Variants in TAB2 observed in about 807,000 individuals in gnomAD.
TAB2 encodes TGF-beta activated kinase 1 (MAP3K7) binding protein 2.
A neutral mutation model predicts 65.0 loss-of-function variants in TAB2; 3 were observed. The ratio of observed to expected loss-of-function variants is 0.05; its 90% CI spans 0.02 to 0.12. The LOEUF is 0.12. TAB2 is among the 10% of genes least tolerant of loss of function. The pLI is 1.00. For synonymous variants in TAB2, 298 were observed against 285.1 expected (o/e 1.05, Z -0.46); for missense variants, 623 against 840.3 (o/e 0.74, Z 3.20).
At chr6:149,261,960 G>A (rs1778160563) in intron 1 of TAB2, among the ~76,000 whole-genome samples, 1 of 152,192 alleles carries the variant, frequency 6.6e-6, no homozygotes, top group Non-Finnish European at 1.5e-5. Context: ...CTAAGCAGCT[G>A]GGACTTTGAT....
chr6:149,257,488 C>T (rs1442433576), intron 1 of TAB2: 1 of 152,066 alleles, frequency 6.6e-6, no homozygotes, highest in African/African-American at 2.4e-5. Context: ...CCCACTGAGA[C>T]CCTCAGTGTA....
At chr6:149,398,401 T>C (rs1424605300) in intron 5 of TAB2, among the ~76,000 whole-genome samples, 1 of 152,182 alleles carries the variant, frequency 6.6e-6, no homozygotes, top group Non-Finnish European at 1.5e-5. Flanking sequence ...GGAAATGTTA[T>C]CACTTAAACC....
chr6:149,267,102 T>C (rs1238619606), intron 1 of TAB2, among the ~76,000 whole-genome samples: 3 of 151,936 alleles, frequency 2.0e-5, no homozygotes, highest in Non-Finnish European at 4.4e-5. Context: ...GAAGGACCAG[T>C]GAATGCCTGA....
At chr6:149,257,069 A>G (rs1446854947) in intron 1 of TAB2, among the ~76,000 whole-genome samples, 1 of 152,240 alleles carries the variant, frequency 6.6e-6, no homozygotes, top group African/African-American at 2.4e-5. Context: ...TGCTAAGAAA[A>G]TTGCCACAGT....
At chr6:149,397,380 G>T (rs1267163956) in intron 3 of TAB2, among the ~76,000 whole-genome samples, 1 of 151,844 alleles carries the variant, frequency 6.6e-6, no homozygotes, top group African/African-American at 2.4e-5. Context: ...GGCAGAGGTT[G>T]CACTGAGCCG....
intron 1 of TAB2, among the ~76,000 whole-genome samples, chr6:149,261,724 C>T (rs565917105): frequency 5.9e-5 from 9 of 152,294 alleles, no homozygotes; most frequent in South Asian, 4.1e-4. Context: ...AAAAGAGAAA[C>T]GAGGGATCAT....
upstream of TAB2, among the ~76,000 whole-genome samples, chr6:149,316,797 CT>C (rs1207343407): frequency 2.0e-5 from 3 of 152,088 alleles, no homozygotes; most frequent in African/African-American, 7.2e-5. Context: ...ATTTAGATTT[CT>C]TTTTTCCCCC....
At chr6:149,389,475 G>A (rs1204838713) in intron 3 of TAB2, among the ~76,000 whole-genome samples, 4 of 151,748 alleles carry the variant, frequency 2.6e-5, no homozygotes, top group Admixed American at 1.3e-4. Context: ...GAGAAACCCC[G>A]TCTTTACTAA....
In TAB2 at chr6:149,378,409, C is replaced by A; in HGVS notation, c.494C>A (p.Ser165Tyr). 1 of 1,614,208 alleles carries A rather than the reference C, an allele frequency of 6.2e-7. No individual in the cohort carries two copies. Among genetic ancestry groups the A allele is most frequent in the Non-Finnish European group, 8.5e-7 (1 of 1,180,050 alleles). The change falls in exon 3 of 7, where the codon TCT (serine) becomes TAT (tyrosine). Residue 165 changes from serine (S) to tyrosine (Y), a missense_variant. Around this residue, in one of 3 missense-constraint regions of TAB2, gnomAD observed 550 missense variants for 665.7 expected, o/e 0.83. Coordinates refer to ENST00000637181, the MANE Select transcript of TAB2 (RefSeq NM_001292034.3). ...TTTCACTTAGGCAGCAAAGGAACATCTAGCCTTTCTCAACAAACTCCCAGA... is the reference window on the plus strand; with the variant it reads ...TTTCACTTAGGCAGCAAAGGAACATATAGCCTTTCTCAACAAACTCCCAGA... ...LGFHLGSKGT[S>Y]SLSQQTPRFN...
chr6:149,410,005 A>G lies in TAB2; in HGVS notation c.*286A>G, dbSNP rs34532338. The G allele has an allele frequency of 2.1e-6, 1 of 468,234 alleles. No individual in the cohort carries two copies. The highest frequency in any genetic ancestry group is 3.9e-6 in the Non-Finnish European group (1 of 258,112). 29.0% of individuals were successfully genotyped at this position (468,234 alleles called of 1,614,324 possible). A position where few individuals can be genotyped will look rare whatever the true frequency, so the allele number is the denominator to read the frequency against. ...TGTCCCATTATGGATAATTCTCAATATGTTAACACCTAGGTGTTCCCAATA... is the reference window on the plus strand; with the variant it reads ...TGTCCCATTATGGATAATTCTCAATGTGTTAACACCTAGGTGTTCCCAATA... On this transcript the variant is annotated 3_prime_UTR_variant, in exon 7 of 7. Coordinates refer to ENST00000637181, the MANE Select transcript of TAB2 (RefSeq NM_001292034.3).
At chr6:149,231,814 C>G (rs79894261) in intron 1 of TAB2, among the ~76,000 whole-genome samples, 3 of 152,256 alleles carry the variant, frequency 2.0e-5, no homozygotes, top group African/African-American at 4.8e-5. Flanking sequence ...ATCAGGGGAG[C>G]AGAGGAGGTG....
chr6:149,378,246 C>A lies in TAB2; in HGVS notation c.331C>A (p.Gln111Lys). 1 of 1,614,178 alleles carries A rather than the reference C, an allele frequency of 6.2e-7. No individual in the cohort carries two copies. Among genetic ancestry groups the A allele is most frequent in the Non-Finnish European group, 8.5e-7 (1 of 1,180,036 alleles). The change falls in exon 3 of 7, where the codon CAA becomes AAA. Residue 111 changes from glutamine (Q) to lysine (K), a missense_variant. Gln to Lys is a moderately conservative substitution (Grantham distance 53). Coordinates refer to ENST00000637181, the MANE Select transcript of TAB2 (RefSeq NM_001292034.3). The stretch of plus-strand genomic sequence containing the variant: ...TCTAACGCACAGCATTAGTGATGGA[C>A]AACTTCAAGGTGGCCAGTCCAATAG... ...RTLTHSISDG[Q>K]LQGGQSNSEL...
At chr6:149,334,065 A>G (rs1779862860) in intron 1 of TAB2, among the ~76,000 whole-genome samples, 1 of 152,234 alleles carries the variant, frequency 6.6e-6, no homozygotes, top group Admixed American at 6.5e-5. Flanking sequence ...AGCTATTAAT[A>G]GAAAATTTAT....
chr6:149,291,218 A>G (rs1046621311), intron 1 of TAB2: 1 of 152,230 alleles, frequency 6.6e-6, no homozygotes, highest in Non-Finnish European at 1.5e-5. Flanking sequence ...GAGGACATAC[A>G]TTTATAATCC....
chr6:149,378,590 A>T lies in TAB2; in HGVS notation c.675A>T (p.Thr225=). 6.2e-7 allele frequency: 1 copy of T among 1,613,772 alleles called. No individual in the cohort carries two copies. Among genetic ancestry groups the T allele is most frequent in the Non-Finnish European group, 8.5e-7 (1 of 1,180,042 alleles). ...IRPYITTPGG[T]TRQTQQHSGW... is the part of the protein sequence containing the mutation. ...CTTACATTACAACTCCTGGTGGTACAACTCGACAGACACAACAGCATTCTG... is the reference window on the plus strand; with the variant it reads ...CTTACATTACAACTCCTGGTGGTACTACTCGACAGACACAACAGCATTCTG... Residue 225 remains threonine, a synonymous_variant, in exon 3 of 7, where the codon ACA becomes ACT. Coordinates refer to ENST00000637181, the MANE Select transcript of TAB2 (RefSeq NM_001292034.3).
At chr6:149,306,814 G>A (rs572781877) in intron 1 of TAB2, among the ~76,000 whole-genome samples, 121 of 152,308 alleles carry the variant, frequency 7.9e-4, no homozygotes, top group African/African-American at 2.8e-3. Context: ...GGGCAGGAAA[G>A]TTGTGGGTGG....
intron 1 of TAB2, among the ~76,000 whole-genome samples, chr6:149,355,878 T>C (rs1055949155): frequency 6.6e-6 from 1 of 152,000 alleles, no homozygotes; most frequent in African/African-American, 2.4e-5. Flanking sequence ...ACCCAAAGAT[T>C]AACAGTGCAT....
chr6:149,243,168 C>T (rs6907634), intron 1 of TAB2: 29,235 of 152,168 alleles, frequency 0.19, 2,914 homozygotes, highest in East Asian at 0.27. Flanking sequence ...TTATTATTAT[C>T]TATGTCCAAT....
At chr6:149,365,571 G>C (rs1364425430) in intron 1 of TAB2, among the ~76,000 whole-genome samples, 1 of 151,940 alleles carries the variant, frequency 6.6e-6, no homozygotes, top group African/African-American at 2.4e-5. Context: ...TGGTTTTCAG[G>C]AGTTTGACTA....
Sources: allele counts gnomAD v4.1 joint callset (sites outside exome capture counted in the v4.1 genomes callset), GRCh38; gene constraint gnomAD v4.1.1; regional missense constraint gnomAD v4.1.1; transcripts MANE v1.5; gene names NCBI Gene and HGNC (gene_info 2026-07-23, HGNC 2026-07-21).